Variants in RPL6 observed in about 807,000 individuals in gnomAD.
RPL6 encodes ribosomal protein L6, also known as large ribosomal subunit protein eL6.
Under a neutral mutation model 32.1 loss-of-function variants are expected in RPL6, and 1 was observed. The ratio of observed to expected loss-of-function variants is 0.03; its 90% CI spans 0.01 to 0.15. The LOEUF (loss-of-function observed/expected upper bound fraction) is 0.15. Ranked by LOEUF, RPL6 falls within the 10% of genes least tolerant of loss-of-function variation. RPL6 has a pLI of 1.00. For synonymous variants in RPL6, 126 were observed against 131.6 expected, an observed-to-expected ratio of 0.96 and a Z score of 0.29; for missense variants, 275 against 354.6, an observed-to-expected ratio of 0.78 and a Z score of 1.80.
At chr12:112,406,615 G>C in intron 4 of RPL6, 132 bp downstream of exon 4, 12 of 1,224,960 alleles carry the variant, frequency 9.8e-6, no homozygotes, top group Non-Finnish European at 1.4e-5. Context: ...CAACTAAGTT[G>C]TATCTTGCAG....
chr12:112,409,489 C>T (rs1056203740), intron 1 of RPL6, 98 bp downstream of exon 1: 43 of 398,580 alleles, frequency 1.1e-4, no homozygotes, highest in African/African-American at 8.8e-4. Flanking sequence ...TGGACATGTC[C>T]GACCCCTGTA....
intron 6 of RPL6, 39 bp from the exon 7 acceptor site, chr12:112,405,415 A>AT (rs1371743154): frequency 1.3e-6 from 2 of 1,598,776 alleles, no homozygotes; most frequent in East Asian, 4.5e-5. Context: ...AAACAGGCAC[A>AT]TACCAAATTA....
At chr12:112,406,696 C>T in intron 4 of RPL6, 51 bp downstream of exon 4, 1 of 1,604,034 alleles carries the variant, frequency 6.2e-7, no homozygotes. Context: ...GCATTGCCAC[C>T]AGGCACCCCA....
At chr12:112,406,168 G>T (rs1003978594) in intron 5 of RPL6, 126 bp downstream of exon 5, 16 of 1,191,918 alleles carry the variant, frequency 1.3e-5, no homozygotes, top group Non-Finnish European at 2.0e-5. Context: ...ACAAGGCAAT[G>T]AAATGGGCCT....
In RPL6 at chr12:112,408,224, A is replaced by G; in HGVS notation, c.336+16T>C. ...AGCATAAACAGAAAATCCAATTTAC[A>G]GTCCCCACATCTTACCATTTTGCGA... On this transcript the variant is annotated intron_variant, in intron 3 of 6. Transcript: ENST00000202773. 1 of 1,588,954 alleles carries G rather than the reference A, an allele frequency of 6.3e-7. No individual in the cohort carries two copies. The highest frequency in any genetic ancestry group is 8.6e-7 in the Non-Finnish European group (1 of 1,158,744).
chr12:112,412,194 C>G (rs935015172), upstream of RPL6, among the ~76,000 whole-genome samples: 1 of 152,170 alleles, frequency 6.6e-6, no homozygotes, highest in Non-Finnish European at 1.5e-5. Context: ...CGCCCGCCAC[C>G]ATGCCTGACT....
rs532377657 is a variant in RPL6, at chr12:112,408,864, A to G, written c.1-208T>C. 2.7e-3 allele frequency: 1,371 copies of G among 516,020 alleles called. 43 individuals are homozygous for G. The South Asian group carries it at 0.045, about 17-fold the overall frequency. 32.0% of individuals were successfully genotyped at this position (516,020 alleles called of 1,614,324 possible). On this transcript the variant is annotated intron_variant, in intron 1 of 6. Transcript: ENST00000202773. Reference sequence around the variant, plus strand: ...GGTTTGTCTCCCCAATACACTATAAACTTTTTTTTTGAGAATTTGAAACTA... The same window carrying G: ...GGTTTGTCTCCCCAATACACTATAAGCTTTTTTTTTGAGAATTTGAAACTA...
At chr12:112,407,085 G>A (rs1475439529) in intron 3 of RPL6, 195 bp from the exon 4 acceptor site, 7 of 543,202 alleles carry the variant, frequency 1.3e-5, no homozygotes, top group Non-Finnish European at 1.3e-5. Flanking sequence ...TGCAAAAAAG[G>A]AGACACCATT....
chr12:112,408,401 C>T lies in RPL6; in HGVS notation c.237+19G>A, dbSNP rs1156512925. On this transcript the variant is annotated intron_variant, in intron 2 of 6. Transcript: ENST00000202773. The stretch of plus-strand genomic sequence containing the variant: ...CAATTAAGGTTAAGACATAATGGTC[C>T]GTGGTCCTCTTCCCTTACCTTGGAT... 6 of 1,613,466 alleles carry T rather than the reference C, an allele frequency of 3.7e-6. No homozygotes were observed. In the Admixed American group the frequency reaches 6.7e-5, roughly 18 times the overall value.
intron 1 of RPL6, among the ~76,000 whole-genome samples, chr12:112,417,171 C>T (rs2037422713): frequency 6.6e-6 from 1 of 152,194 alleles, no homozygotes; most frequent in African/African-American, 2.4e-5. Flanking sequence ...AATTCTCCCA[C>T]CTCAGCCTCC....
chr12:112,411,837 G>A (rs1316765120), upstream of RPL6, among the ~76,000 whole-genome samples: 1 of 151,752 alleles, frequency 6.6e-6, no homozygotes, highest in Non-Finnish European at 1.5e-5. Context: ...TGAAATTTGT[G>A]CAGCACTTTA....
intron 1 of RPL6, 199 bp downstream of exon 1, chr12:112,409,388 G>A (rs1184025554): frequency 2.5e-6 from 1 of 398,084 alleles, no homozygotes; most frequent in Non-Finnish European, 4.4e-6. Context: ...ACCGGAGGGA[G>A]CCACTACGGC....
At chr12:112,417,972 A>G (rs1177246859) in intron 1 of RPL6, among the ~76,000 whole-genome samples, 2 of 143,916 alleles carry the variant, frequency 1.4e-5, no homozygotes, top group East Asian at 4.3e-4. Flanking sequence ...CCAAAGTAGT[A>G]TTTATTGTAA....
At chr12:112,413,863 T>TAA (rs749770603), upstream of RPL6, among the ~76,000 whole-genome samples, 3 of 131,928 alleles carry the variant, frequency 2.3e-5, no homozygotes, top group African/African-American at 5.6e-5. Flanking sequence ...CTGTCTGTAT[T>TAA]AAAAAAAAAA....
upstream of RPL6, among the ~76,000 whole-genome samples, chr12:112,412,020 C>T (rs1465615467): frequency 6.6e-6 from 1 of 151,710 alleles, no homozygotes; most frequent in East Asian, 1.9e-4. Context: ...GCTGGGATTA[C>T]AGGTGCCCGC....
In RPL6 at chr12:112,408,479, A is replaced by T. The variant is rs1482460892; in HGVS notation, c.178T>A (p.Ser60Thr). The change falls in exon 2 of 7, where the codon TCT (serine) becomes ACT (threonine). Residue 60 changes from serine to threonine, a missense_variant. Transcript: ENST00000202773. Reference sequence around the variant, plus strand: ...ATGGCCTTTCTGGAATACATGGCAGATCGGGAATACCTGCCAATTCCTCTG... The same window carrying T: ...ATGGCCTTTCTGGAATACATGGCAGTTCGGGAATACCTGCCAATTCCTCTG... Reference protein sequence around the residue: ...LVRGIGRYSRSAMYSRKAMYK... With the variant: ...LVRGIGRYSRTAMYSRKAMYK... The T allele has an allele frequency of 6.2e-7, 1 of 1,614,146 alleles. No homozygotes were observed. The highest frequency in any genetic ancestry group is 2.2e-5 in the East Asian group (1 of 44,894).
intron 1 of RPL6, among the ~76,000 whole-genome samples, chr12:112,417,278 G>C (rs1711957660): frequency 6.6e-6 from 1 of 151,736 alleles, no homozygotes; most frequent in African/African-American, 2.4e-5. Flanking sequence ...GGCTGGTCTT[G>C]AACTCCTGAC....
chr12:112,410,324 G>T, upstream of RPL6: 1 of 294,954 alleles, frequency 3.4e-6, no homozygotes, highest in Non-Finnish European at 6.8e-6. Context: ...CCTTACCTTG[G>T]ATTTAGCGGC....
At chr12:112,415,105 T>A (rs2067850785), upstream of RPL6, among the ~76,000 whole-genome samples, 1 of 152,136 alleles carries the variant, frequency 6.6e-6, no homozygotes, top group South Asian at 2.1e-4. Context: ...AGAGTTGATG[T>A]GGAGGACAGT....
Sources: allele counts gnomAD v4.1 joint callset (sites outside exome capture counted in the v4.1 genomes callset), GRCh38; gene constraint gnomAD v4.1.1; transcripts MANE v1.5; gene names NCBI Gene and HGNC (gene_info 2026-07-23, HGNC 2026-07-21).